Variants in APLP2 observed in about 807,000 individuals in gnomAD.
APLP2 encodes the protein amyloid beta precursor like protein 2.
Under a neutral mutation model 89.9 loss-of-function variants are expected in APLP2, and 53 were observed. That is an observed-to-expected ratio of 0.59 (90% CI 0.47 to 0.74). The LOEUF (loss-of-function observed/expected upper bound fraction) is 0.74, where lower values mean the gene tolerates loss of function less well. APLP2 is among the 30% of genes least tolerant of loss of function. The pLI, the probability that APLP2 is intolerant of heterozygous loss-of-function variation, is 0.00. For synonymous variants in APLP2, 372 were observed against 348.6 expected (o/e 1.07, Z -0.75); for missense variants, 973 against 975.9 (o/e 1.00, Z 0.04).
At position 130,130,094 on chromosome 11, in the gene APLP2, C is replaced by T. The variant is rs1328193277; in HGVS notation, c.1512C>T (p.Arg504=). Reference sequence around the variant, plus strand: ...ATGTCCGTGCTGAGAACAAAGATCGCTTACATACCATCCGTCATTACCAGC... The same window carrying T: ...ATGTCCGTGCTGAGAACAAAGATCGTTTACATACCATCCGTCATTACCAGC... ...RRYVRAENKD[R]LHTIRHYQHV... The change falls in exon 11 of 17, where the codon CGC becomes CGT. Residue 504 remains arginine, a synonymous_variant. Transcript: ENST00000338167. 1 of 1,614,140 alleles carries T rather than the reference C, an allele frequency of 6.2e-7. No homozygotes were observed. Among genetic ancestry groups the T allele is most frequent in the Non-Finnish European group, 8.5e-7 (1 of 1,180,052 alleles).
chr11:130,069,908 C>A lies in APLP2; in HGVS notation c.-70C>A. On this transcript the variant is annotated 5_prime_UTR_variant, in exon 1 of 17. Coordinates refer to ENST00000338167, the MANE Select transcript of APLP2 (RefSeq NM_001142276.2). ...GAACTGGCTTTAGATGCTTCTGGGTCGCGGTGTGCTAAGCGAGGAGTCCGA... is the reference window on the plus strand; with the variant it reads ...GAACTGGCTTTAGATGCTTCTGGGTAGCGGTGTGCTAAGCGAGGAGTCCGA... 2 of 1,189,406 alleles carry A rather than the reference C, an allele frequency of 1.7e-6. No homozygotes were observed. Among genetic ancestry groups the A allele is most frequent in the Non-Finnish European group, 2.3e-6 (2 of 855,528 alleles). The allele number at this position is 1,189,406 out of a possible 1,614,324, so 73.7% of individuals were successfully genotyped here.
intron 1 of APLP2, among the ~76,000 whole-genome samples, chr11:130,087,233 G>A (rs1565556177): frequency 6.6e-6 from 1 of 152,184 alleles, no homozygotes; most frequent in African/African-American, 2.4e-5. Flanking sequence ...GTGATACCTA[G>A]TACGTAACCT....
chr11:130,070,282 C>A (rs1412970202), intron 1 of APLP2, among the ~76,000 whole-genome samples, 200 bp downstream of exon 1: 3 of 151,212 alleles, frequency 2.0e-5, no homozygotes, highest in African/African-American at 4.8e-5. Context: ...GCTGCCTCAG[C>A]CGCCGCAGAG....
At chr11:130,071,290 CCT>C (rs1416972216) in intron 1 of APLP2, among the ~76,000 whole-genome samples, 1 of 152,134 alleles carries the variant, frequency 6.6e-6, no homozygotes, top group Non-Finnish European at 1.5e-5. Flanking sequence ...TAATAAAAAG[CCT>C]CTCTGATGGA....
chr11:130,143,364 C>T lies in APLP2; in HGVS notation c.2172C>T (p.Thr724=). 3 of 1,614,046 alleles carry T rather than the reference C, an allele frequency of 1.9e-6. No homozygotes were observed. The highest frequency in any genetic ancestry group is 2.5e-6 in the Non-Finnish European group (3 of 1,180,008). Residue 724 remains threonine, a synonymous_variant, in exon 17 of 17, where the codon ACC becomes ACT. Transcript: ENST00000338167. The part of the protein sequence containing the change: ...HGIVEVDPML[T]PEERHLNKMQ... Reference sequence around the variant, plus strand: ...TCTTCCAGGTTGATCCAATGCTCACCCCAGAAGAGCGTCACCTGAACAAGA... The same window carrying T: ...TCTTCCAGGTTGATCCAATGCTCACTCCAGAAGAGCGTCACCTGAACAAGA...
chr11:130,119,721 A>G (rs944057102), intron 3 of APLP2, among the ~76,000 whole-genome samples: 1 of 152,192 alleles, frequency 6.6e-6, no homozygotes, highest in Non-Finnish European at 1.5e-5. Context: ...TCTGCATCTT[A>G]TATGTATATT....
intron 13 of APLP2, among the ~76,000 whole-genome samples, chr11:130,136,931 A>G (rs1951685328): frequency 6.6e-6 from 1 of 152,202 alleles, no homozygotes; most frequent in Admixed American, 6.5e-5. Flanking sequence ...CACAACCAAC[A>G]CTTAACTTCA....
intron 1 of APLP2, among the ~76,000 whole-genome samples, chr11:130,078,525 T>C (rs1352139711): frequency 6.6e-6 from 1 of 152,194 alleles, no homozygotes; most frequent in African/African-American, 2.4e-5. Context: ...TTGTATCCTG[T>C]TTGAGAAGTC....
At chr11:130,113,298 T>C (rs1367122285) in intron 3 of APLP2, among the ~76,000 whole-genome samples, 3 of 152,118 alleles carry the variant, frequency 2.0e-5, no homozygotes, top group Non-Finnish European at 4.4e-5. Context: ...AATGATAGAG[T>C]TTAAATTTGT....
chr11:130,121,677 C>G lies in APLP2; in HGVS notation c.580C>G (p.Gln194Glu), dbSNP rs190276777. Reference sequence around the variant, plus strand: ...CATGCTGCTCCCATGTGGGGTAGACCAGTTCCATGGCACTGAATATGTGTG... The same window carrying G: ...CATGCTGCTCCCATGTGGGGTAGACGAGTTCCATGGCACTGAATATGTGTG... ...YGMLLPCGVDQFHGTEYVCCP... is the reference protein window; with the variant it reads ...YGMLLPCGVDEFHGTEYVCCP... Residue 194 changes from glutamine (Q) to glutamate (E), a missense_variant, in exon 5 of 17, where the codon CAG (glutamine) becomes GAG (glutamate). Physicochemically the swap from Gln to Glu is conservative, Grantham distance 29 (BLOSUM62 2). Transcript: ENST00000338167. 4.3e-5 allele frequency: 70 copies of G among 1,614,064 alleles called. No homozygotes were observed. In the East Asian group the frequency reaches 8.9e-4, roughly 21 times the overall value.
At chr11:130,109,150 T>C (rs1948200778) in intron 1 of APLP2, 1 of 194,756 alleles carries the variant, frequency 5.1e-6, no homozygotes, top group Non-Finnish European at 1.0e-5. Flanking sequence ...TCTACCTGTG[T>C]AACAAACCTG....
intron 1 of APLP2, chr11:130,082,697 C>T: frequency 5.0e-6 from 1 of 199,998 alleles, no homozygotes; most frequent in Non-Finnish European, 1.0e-5. Context: ...AGCCTGGGCA[C>T]ACGCCACTGC....
At chr11:130,094,084 T>G (rs75654710) in intron 1 of APLP2, among the ~76,000 whole-genome samples, 14,857 of 134,404 alleles carry the variant, frequency 0.11, 1,043 homozygotes, top group East Asian at 0.25. Context: ...ACGGAGTTTC[T>G]CTCTTGTAGC....
intron 4 of APLP2, among the ~76,000 whole-genome samples, chr11:130,121,214 C>G (rs1169043574): frequency 2.0e-5 from 3 of 152,186 alleles, no homozygotes; most frequent in Admixed American, 2.0e-4. Context: ...AGTACCCTTT[C>G]TTGTCTTCTG....
At chr11:130,070,521 C>T (rs1333873146) in intron 1 of APLP2, 1 of 1,243,638 alleles carries the variant, frequency 8.0e-7, no homozygotes, top group Non-Finnish European at 1.0e-6. Context: ...CGCGCGGCAC[C>T]GGGGCCTCGG....
intron 13 of APLP2, among the ~76,000 whole-genome samples, chr11:130,138,350 C>T (rs1951880940): frequency 6.6e-6 from 1 of 151,558 alleles, no homozygotes; most frequent in African/African-American, 2.4e-5. Context: ...CTTGGATATG[C>T]CTGTTCGTGG....
intron 1 of APLP2, among the ~76,000 whole-genome samples, chr11:130,087,632 T>C (rs993333985): frequency 2.6e-5 from 4 of 152,184 alleles, no homozygotes; most frequent in African/African-American, 9.6e-5. Flanking sequence ...GTAGTAAATA[T>C]TTAACACCAT....
chr11:130,116,343 A>G lies in APLP2; in HGVS notation c.404-4363A>G, dbSNP rs73041267. On this transcript the variant is annotated intron_variant, in intron 3 of 16. Coordinates refer to ENST00000338167, the MANE Select transcript of APLP2 (RefSeq NM_001142276.2). Reference sequence around the variant, plus strand: ...TAAGCCATATTTCTTGTAACCCCATACTATTCTGTTGTATATATGTATCAT... The same window carrying G: ...TAAGCCATATTTCTTGTAACCCCATGCTATTCTGTTGTATATATGTATCAT... Among the ~76,000 whole-genome samples, 515 of 152,266 alleles carry G rather than the reference A, an allele frequency of 3.4e-3. 2 individuals carry two copies. Among genetic ancestry groups the G allele is most frequent in the Admixed American group, 6.7e-3 (103 of 15,302 alleles).
chr11:130,079,205 T>A (rs1036046177), intron 1 of APLP2, among the ~76,000 whole-genome samples: 1 of 152,094 alleles, frequency 6.6e-6, no homozygotes, highest in African/African-American at 2.4e-5. Flanking sequence ...TTCAAGCGAT[T>A]CTTCTGCCTC....
Sources: gnomAD v4.1 joint callset for allele counts (sites outside exome capture counted in the v4.1 genomes callset) on GRCh38, gnomAD v4.1.1 for gene constraint, MANE v1.5 for transcripts, NCBI Gene and HGNC (gene_info 2026-07-23, HGNC 2026-07-21) for gene names.